PRKCSH: variants seen among roughly 807,000 people sequenced by gnomAD.
PRKCSH encodes PRKCSH beta subunit of glucosidase II.
A neutral mutation model predicts 79.7 loss-of-function variants in PRKCSH; 42 were observed. The ratio of observed to expected loss-of-function variants is 0.53; its 90% CI spans 0.41 to 0.68. PRKCSH has a LOEUF of 0.68. Among genes scored for constraint, PRKCSH ranks in the 30% least tolerant of loss-of-function variants. The pLI, the probability that PRKCSH is intolerant of heterozygous loss-of-function variation, is 0.00. For synonymous variants in PRKCSH, 325 were observed against 288.2 expected, an observed-to-expected ratio of 1.13 and a Z score of -1.29; for missense variants, 686 against 709.0, an observed-to-expected ratio of 0.97 and a Z score of 0.37.
In PRKCSH at chr19:11,438,140, T is replaced by G. The variant is rs1378860321; in HGVS notation, c.350+16T>G. ...ACACCTGCAAGTACGTGGGTGACAG[T>G]ACCCCTCCCATCACCCCACCCCAAG... On this transcript the variant is annotated intron_variant, in intron 5 of 17. Transcript: ENST00000677123. 1 of 1,613,616 alleles carries G rather than the reference T, an allele frequency of 6.2e-7. No homozygotes were observed. The highest frequency in any genetic ancestry group is 1.7e-5 in the Admixed American group (1 of 59,970).
intron 7 of PRKCSH, among the ~76,000 whole-genome samples, chr19:11,444,954 C>G (rs868553772): frequency 1.3e-5 from 2 of 152,152 alleles, no homozygotes; most frequent in African/African-American, 2.4e-5. Flanking sequence ...CGTCTGCGCA[C>G]TCCATCTGCG....
rs762897781 is a variant in PRKCSH at position 11,447,426 on chromosome 19, G to T, written c.850-13G>T. On this transcript the variant is annotated splice_polypyrimidine_tract_variant and intron_variant, in intron 10 of 17. Transcript: ENST00000677123. The surrounding 1 kb of genome is among the most constrained non-coding windows in gnomAD (Gnocchi z 5.6). Reference sequence around the variant, plus strand: ...CTGAGTCCACAACACCGACCGCACTGCTCACCCGCCAGGCACTGCCCACCG... The same window carrying T: ...CTGAGTCCACAACACCGACCGCACTTCTCACCCGCCAGGCACTGCCCACCG... The T allele has an allele frequency of 6.2e-7, 1 of 1,613,364 alleles. No individual in the cohort carries two copies. Among genetic ancestry groups the T allele is most frequent in the Non-Finnish European group, 8.5e-7 (1 of 1,179,706 alleles).
chr19:11,442,313 G>C, intron 6 of PRKCSH, 73 bp from the exon 7 acceptor site: 2 of 1,520,312 alleles, frequency 1.3e-6, no homozygotes, highest in Non-Finnish European at 1.8e-6. Context: ...GTGGAGTAGA[G>C]GCAGGGAGGT....
Position 11,447,046 on chromosome 19 carries a change from A to G in PRKCSH, c.763-28A>G, listed in dbSNP as rs1245851076. On this transcript the variant is annotated intron_variant, in intron 9 of 17. Transcript: ENST00000677123. This position sits in a 1 kb window ranked among gnomAD's most constrained non-coding sequence, Gnocchi z 5.6. ...AGATGGGGGACACGTGGTGGCCTAGATCTTGACACCACCCCCAACACACAC... is the reference window on the plus strand; with the variant it reads ...AGATGGGGGACACGTGGTGGCCTAGGTCTTGACACCACCCCCAACACACAC... 2.5e-6 allele frequency: 4 copies of G among 1,609,252 alleles called. No individual in the cohort carries two copies. The highest frequency in any genetic ancestry group is 2.2e-5 in the East Asian group (1 of 44,794).
chr19:11,437,830 G>A (rs1416101796), intron 3 of PRKCSH, 46 bp from the exon 4 acceptor site: 1 of 1,531,298 alleles, frequency 6.5e-7, no homozygotes, highest in South Asian at 1.1e-5. Context: ...GGACATGTCT[G>A]TCCCTGAGCT....
rs553200286 is a variant in PRKCSH, at chr19:11,449,377, G to A, written c.1573G>A (p.Glu525Lys). 8 of 1,613,370 alleles carry A rather than the reference G, an allele frequency of 5.0e-6. No individual in the cohort carries two copies. In the South Asian group the frequency reaches 7.7e-5, roughly 15 times the overall value. Reference protein sequence around the residue: ...TPAACPEPPPEAPTEDDHDEL With the variant: ...TPAACPEPPPKAPTEDDHDEL ...AGCCGCCTGCCCGGAGCCACCGCCTGAAGCACCCACCGAAGACGACCATGA... is the reference window on the plus strand; with the variant it reads ...AGCCGCCTGCCCGGAGCCACCGCCTAAAGCACCCACCGAAGACGACCATGA... The change falls in exon 17 of 18, where the codon GAA becomes AAA. Residue 525 changes from glutamate to lysine, a missense_variant. Physicochemically the swap from Glu to Lys is moderately conservative, Grantham distance 56. Around this residue, in one of 2 missense-constraint regions of PRKCSH, gnomAD observed 137 missense variants for 188.8 expected, o/e 0.73. Transcript: ENST00000677123. The surrounding 1 kb of genome is among the most constrained non-coding windows in gnomAD (Gnocchi z 6.4).
chr19:11,437,089 G>A (rs917549303), intron 3 of PRKCSH, among the ~76,000 whole-genome samples: 2 of 152,038 alleles, frequency 1.3e-5, no homozygotes, highest in Admixed American at 6.6e-5. Context: ...AGGCTGGAGT[G>A]CAGTGGCGCC....
chr19:11,448,747 C>A lies in PRKCSH; in HGVS notation c.1286+118C>A. ...CATCTGCGGGTGGGGCCCGAGAGTG[C>A]TGCCTTCCATATTGAGGGGGAGCAG... On this transcript the variant is annotated intron_variant, in intron 14 of 17. Coordinates refer to ENST00000677123, the MANE Select transcript of PRKCSH (RefSeq NM_001289104.2). The surrounding 1 kb of genome is among the most constrained non-coding windows in gnomAD (Gnocchi z 4.4). 1 of 1,326,114 alleles carries A rather than the reference C, an allele frequency of 7.5e-7. No individual in the cohort carries two copies. 82.1% of individuals were successfully genotyped at this position (1,326,114 alleles called of 1,614,324 possible). A position where few individuals can be genotyped will look rare whatever the true frequency, so the allele number is the denominator to read the frequency against.
chr19:11,445,637 C>A, intron 8 of PRKCSH, 164 bp downstream of exon 8: 1 of 724,546 alleles, frequency 1.4e-6, no homozygotes, highest in Non-Finnish European at 2.4e-6. Context: ...TCGTGGATGG[C>A]CAGGTCCAGG....
In PRKCSH at chr19:11,436,080, C is replaced by A. The variant is rs761097829; in HGVS notation, c.-38C>A. On this transcript the variant is annotated 5_prime_UTR_variant, in exon 2 of 18. Coordinates refer to ENST00000677123, the MANE Select transcript of PRKCSH (RefSeq NM_001289104.2). Reference sequence around the variant, plus strand: ...GCATCTCCCCGCTGTAGGCTTCCTCCCACAGAACCCGTTTCGGGCCTCAGA... The same window carrying A: ...GCATCTCCCCGCTGTAGGCTTCCTCACACAGAACCCGTTTCGGGCCTCAGA... 1 of 1,604,594 alleles carries A rather than the reference C, an allele frequency of 6.2e-7. No homozygotes were observed. Among genetic ancestry groups the A allele is most frequent in the Admixed American group, 1.7e-5 (1 of 60,014 alleles).
In PRKCSH at chr19:11,447,703, C is replaced by G; in HGVS notation, c.1040C>G (p.Pro347Arg). The G allele has an allele frequency of 6.3e-7, 1 of 1,580,158 alleles. No homozygotes were observed. Among genetic ancestry groups the G allele is most frequent in the Non-Finnish European group, 8.6e-7 (1 of 1,163,020 alleles). Reference sequence around the variant, plus strand: ...CTGCCCCTGCCCCAGGAGGCCCCACCGCCACTGTCACCCCCGCAGCCGGCC... The same window carrying G: ...CTGCCCCTGCCCCAGGAGGCCCCACGGCCACTGTCACCCCCGCAGCCGGCC... ...VQGEQPKEAPPPLSPPQPASP... is the reference protein window; with the variant it reads ...VQGEQPKEAPRPLSPPQPASP... Residue 347 changes from proline to arginine, a missense_variant, in exon 12 of 18, where the codon CCG (proline) becomes CGG (arginine). Coordinates refer to ENST00000677123, the MANE Select transcript of PRKCSH (RefSeq NM_001289104.2). This position sits in a 1 kb window ranked among gnomAD's most constrained non-coding sequence, Gnocchi z 5.6.
chr19:11,447,181 G>A lies in PRKCSH; in HGVS notation c.849+21G>A. On this transcript the variant is annotated intron_variant, in intron 10 of 17. Coordinates refer to ENST00000677123, the MANE Select transcript of PRKCSH (RefSeq NM_001289104.2). This position sits in a 1 kb window ranked among gnomAD's most constrained non-coding sequence, Gnocchi z 5.6. ...CCGAGGTCAGTGGAGGAGAAGGGAG[G>A]GGACTTGGTCCTCCCACCACACTGC... 2.5e-6 allele frequency: 4 copies of A among 1,611,604 alleles called. No individual in the cohort carries two copies. Among genetic ancestry groups the A allele is most frequent in the Admixed American group, 1.7e-5 (1 of 60,008 alleles).
At position 11,447,056 on chromosome 19, in the gene PRKCSH, C is replaced by T. The variant is rs1970340576; in HGVS notation, c.763-18C>T. On this transcript the variant is annotated intron_variant, in intron 9 of 17. Transcript: ENST00000677123. This position sits in a 1 kb window ranked among gnomAD's most constrained non-coding sequence, Gnocchi z 5.6. Reference sequence around the variant, plus strand: ...CACGTGGTGGCCTAGATCTTGACACCACCCCCAACACACACAGGCCCTCCT... The same window carrying T: ...CACGTGGTGGCCTAGATCTTGACACTACCCCCAACACACACAGGCCCTCCT... The T allele has an allele frequency of 1.9e-6, 3 of 1,612,856 alleles. No homozygotes were observed. Among genetic ancestry groups the T allele is most frequent in the Admixed American group, 1.7e-5 (1 of 60,008 alleles).
chr19:11,446,608 C>T (rs1970315257), intron 9 of PRKCSH, among the ~76,000 whole-genome samples: 2 of 151,474 alleles, frequency 1.3e-5, no homozygotes, highest in South Asian at 4.2e-4. Flanking sequence ...CTCCCCCACC[C>T]CTGTCCTGCC....
intron 5 of PRKCSH, among the ~76,000 whole-genome samples, chr19:11,439,293 G>A (rs1969934408): frequency 6.6e-6 from 1 of 152,042 alleles, no homozygotes; most frequent in African/African-American, 2.4e-5. Context: ...ATAAGACCCG[G>A]CTCATGGTGG....
In PRKCSH at chr19:11,446,258, C is replaced by T; in HGVS notation, c.684-14C>T. The T allele has an allele frequency of 6.2e-7, 1 of 1,612,668 alleles. No homozygotes were observed. On this transcript the variant is annotated splice_polypyrimidine_tract_variant and intron_variant, in intron 8 of 17. Coordinates refer to ENST00000677123, the MANE Select transcript of PRKCSH (RefSeq NM_001289104.2). Reference sequence around the variant, plus strand: ...GCCTCACCCCTCCAGTCTGCTTCTGCCACGCCCCCGCAGGGTCTCGGTGAC... The same window carrying T: ...GCCTCACCCCTCCAGTCTGCTTCTGTCACGCCCCCGCAGGGTCTCGGTGAC...
Position 11,441,244 on chromosome 19 carries a change from A to G in PRKCSH, c.355A>G (p.Lys119Glu), listed in dbSNP as rs936994047. ...CTGTGTGTCTCCGCACCGCAGAGAG[A>G]AGGGCCGTAAGGAGAGAGAGTCCCT... is the stretch of plus-strand genomic sequence containing the variant. ...GVICENTCKE[K>E]GRKERESLQQ... Residue 119 changes from lysine to glutamate, a missense_variant, in exon 6 of 18, where the codon AAG (lysine) becomes GAG (glutamate). Around this residue, in one of 2 missense-constraint regions of PRKCSH, gnomAD observed 549 missense variants for 520.2 expected, o/e 1.06. Coordinates refer to ENST00000677123, the MANE Select transcript of PRKCSH (RefSeq NM_001289104.2). The G allele has an allele frequency of 1.2e-6, 2 of 1,613,824 alleles. No individual in the cohort carries two copies. Among genetic ancestry groups the G allele is most frequent in the Non-Finnish European group, 1.7e-6 (2 of 1,179,920 alleles).
chr19:11,442,026 G>C (rs1372641595), intron 6 of PRKCSH, among the ~76,000 whole-genome samples: 2 of 152,218 alleles, frequency 1.3e-5, no homozygotes, highest in Non-Finnish European at 2.9e-5. Flanking sequence ...GTAATTTGGA[G>C]TTAGCCAGGT....
rs914805755 is a variant in PRKCSH, at chr19:11,445,581, G to A, written c.683+108G>A. On this transcript the variant is annotated intron_variant, in intron 8 of 17. Coordinates refer to ENST00000677123, the MANE Select transcript of PRKCSH (RefSeq NM_001289104.2). ...CAGATCCTCCTTGGGTTCCCCCGGCGTGGGGTCCAGGCTGATCCCAAGCCC... is the reference window on the plus strand; with the variant it reads ...CAGATCCTCCTTGGGTTCCCCCGGCATGGGGTCCAGGCTGATCCCAAGCCC... The A allele has an allele frequency of 1.6e-5, 18 of 1,105,094 alleles. No homozygotes were observed. The African/African-American group carries it at 2.0e-4, about 12-fold the overall frequency. The allele number at this position is 1,105,094 out of a possible 1,614,324, so 68.5% of individuals were successfully genotyped here. A position where few individuals can be genotyped will look rare whatever the true frequency, so the allele number is the denominator to read the frequency against.
Sources: gnomAD v4.1 joint callset for allele counts (sites outside exome capture counted in the v4.1 genomes callset) on GRCh38, gnomAD v4.1.1 for gene constraint, gnomAD v4.1.1 regional missense constraint, Gnocchi (gnomAD v3.1) non-coding constraint, MANE v1.5 for transcripts, NCBI Gene and HGNC (gene_info 2026-07-23, HGNC 2026-07-21) for gene names.